The following PDS5A variants were observed in gnomAD, a reference collection of about 807,000 sequenced individuals.
PDS5A encodes PDS5 cohesin associated factor A.
A neutral mutation model predicts 167.1 loss-of-function variants in PDS5A; 42 were observed. The ratio of observed to expected loss-of-function variants is 0.25; its 90% CI spans 0.20 to 0.33. The LOEUF (loss-of-function observed/expected upper bound fraction) is 0.33, where lower values mean the gene tolerates loss of function less well. PDS5A is among the 10% of genes least tolerant of loss of function. The pLI, the probability that PDS5A is intolerant of heterozygous loss-of-function variation, is 1.00. For synonymous variants in PDS5A, 553 were observed against 554.6 expected, an observed-to-expected ratio of 1.00 and a Z score of 0.04; for missense variants, 1,033 against 1,605.9, an observed-to-expected ratio of 0.64 and a Z score of 6.10.
intron 2 of PDS5A, among the ~76,000 whole-genome samples, chr4:39,933,810 T>TA (rs1406351088): frequency 2.6e-5 from 4 of 152,220 alleles, no homozygotes; most frequent in African/African-American, 9.6e-5. Flanking sequence ...GCAGGAAAGA[T>TA]AAAAGCTACA....
chr4:39,877,524 T>C (rs907424424), intron 18 of PDS5A, among the ~76,000 whole-genome samples: 6 of 152,240 alleles, frequency 3.9e-5, no homozygotes, highest in Non-Finnish European at 5.9e-5. Context: ...AAGGAATGCT[T>C]ACTTGAGATA....
chr4:39,948,210 C>CAAAAAAAAAAAAAAAAAAAAAA (rs35177594), intron 2 of PDS5A, among the ~76,000 whole-genome samples: 2 of 96,460 alleles, frequency 2.1e-5, no homozygotes, highest in Non-Finnish European at 4.1e-5. Flanking sequence ...TATCCCGTCT[C>CAAAAAAAAAAAAAAAAAAAAAA]AAAAAAAAAA....
intron 2 of PDS5A, among the ~76,000 whole-genome samples, chr4:39,957,292 G>C (rs1729012666): frequency 6.6e-6 from 1 of 152,046 alleles, no homozygotes; most frequent in Non-Finnish European, 1.5e-5. Context: ...ACTCCAGCCT[G>C]GGGGACAAGG....
At chr4:39,971,450 C>T (rs1050336307) in intron 2 of PDS5A, among the ~76,000 whole-genome samples, 1 of 151,786 alleles carries the variant, frequency 6.6e-6, no homozygotes, top group Non-Finnish European at 1.5e-5. Context: ...GCCACCGCAC[C>T]GGGCCTGCCT....
intron 2 of PDS5A, among the ~76,000 whole-genome samples, chr4:39,975,233 G>A (rs564885896): frequency 6.6e-5 from 10 of 152,096 alleles, no homozygotes; most frequent in African/African-American, 1.7e-4. Context: ...CTGAGATCCC[G>A]CCGCCGCACA....
In PDS5A at chr4:39,851,292, A is replaced by AT. The variant is rs575163696; in HGVS notation, c.3087-1641dup. ...ATCGTCACCATTATATATAGAACCT[A>AT]TTTTTTTTTTTTTTGGTCTGTCTTT... On this transcript the variant is annotated intron_variant, in intron 26 of 32. Coordinates refer to ENST00000303538, the MANE Select transcript of PDS5A (RefSeq NM_001100399.2). Among the ~76,000 whole-genome samples, 1,396 of 141,510 alleles carry AT rather than the reference A, an allele frequency of 9.9e-3. 21 individuals carry two copies. The highest frequency in any genetic ancestry group is 0.029 in the African/African-American group (1,119 of 38,806). 92.8% of individuals were successfully genotyped at this position (141,510 alleles called of 152,430 possible).
chr4:39,963,385 G>A (rs983765825), intron 2 of PDS5A, among the ~76,000 whole-genome samples: 4 of 152,046 alleles, frequency 2.6e-5, no homozygotes, highest in Non-Finnish European at 4.4e-5. Flanking sequence ...CCTGAACCTA[G>A]AAGGCGGAGG....
At chr4:39,868,132 T>C (rs1719715305) in intron 22 of PDS5A, among the ~76,000 whole-genome samples, 1 of 152,134 alleles carries the variant, frequency 6.6e-6, no homozygotes, top group Admixed American at 6.5e-5. Context: ...AATCTGCCAC[T>C]TTTCAACTGA....
chr4:39,828,843 G>A lies in PDS5A; in HGVS notation c.4011-3355C>T, dbSNP rs527409124. ...TTACTGCAGAGTTGTGAACAGAGCC[G>A]AAAATGATCATCTAGGAAGTGAAAA... On this transcript the variant is annotated intron_variant, in intron 32 of 32. Coordinates refer to ENST00000303538, the MANE Select transcript of PDS5A (RefSeq NM_001100399.2). Among the ~76,000 whole-genome samples the A allele has an allele frequency of 1.4e-4, 22 of 152,208 alleles. No homozygotes were observed. In the East Asian group the frequency reaches 4.2e-3, roughly 29 times the overall value.
chr4:39,892,270 T>C (rs949742677), intron 16 of PDS5A, among the ~76,000 whole-genome samples: 1 of 152,170 alleles, frequency 6.6e-6, no homozygotes, highest in African/African-American at 2.4e-5. Flanking sequence ...GAGGCCATTC[T>C]CAGATTTGTC....
intron 31 of PDS5A, 62 bp from the exon 32 acceptor site, chr4:39,838,270 GAA>G (rs1716618637): frequency 6.8e-6 from 8 of 1,179,442 alleles, no homozygotes; most frequent in Non-Finnish European, 9.3e-6. Context: ...ATCTCTATTA[GAA>G]AAGAGTGTTT....
intron 2 of PDS5A, among the ~76,000 whole-genome samples, chr4:39,945,178 C>T (rs560850539): frequency 3.3e-5 from 5 of 151,936 alleles, no homozygotes; most frequent in South Asian, 2.1e-4. Context: ...TAAATGCAGG[C>T]GGCCGGGTGC....
At chr4:39,842,975 T>C (rs1717202376) in intron 30 of PDS5A, among the ~76,000 whole-genome samples, 1 of 141,474 alleles carries the variant, frequency 7.1e-6, no homozygotes, top group Non-Finnish European at 1.5e-5. Flanking sequence ...ATGAAATATG[T>C]AATCATAGCT....
intron 18 of PDS5A, among the ~76,000 whole-genome samples, chr4:39,877,680 AG>A (rs968874757): frequency 6.6e-6 from 1 of 151,842 alleles, no homozygotes; most frequent in Non-Finnish European, 1.5e-5. Flanking sequence ...CCTAGGCTAG[AG>A]TACAGTGGAA....
rs769836397 is a variant in PDS5A, at chr4:39,976,464, C to A, written c.114G>T (p.Thr38=). ...GVKEITDKIT[T]DEMIKRLKMV... is the part of the protein sequence containing the mutation. ...CCTTCAGGCGTTTGATCATCTCGTC[C>A]GTGGTGATCTTGTCGGTGATCTCTT... The change falls in exon 2 of 33, where the codon ACG becomes ACT. Residue 38 remains threonine (T), a synonymous_variant. Coordinates refer to ENST00000303538, the MANE Select transcript of PDS5A (RefSeq NM_001100399.2). The A allele has an allele frequency of 3.7e-6, 6 of 1,613,300 alleles. No homozygotes were observed. The African/African-American group carries it at 5.3e-5, about 14-fold the overall frequency.
intron 16 of PDS5A, among the ~76,000 whole-genome samples, chr4:39,892,709 G>A (rs1029961299): frequency 7.0e-4 from 106 of 152,324 alleles, no homozygotes; most frequent in African/African-American, 2.2e-3. Context: ...CAAGAAAGAA[G>A]ATATTTGGAC....
At chr4:39,930,246 A>AAAAAAAAAAAAAAAAAAAT in intron 2 of PDS5A, among the ~76,000 whole-genome samples, 4 of 93,090 alleles carry the variant, frequency 4.3e-5, no homozygotes, top group South Asian at 4.4e-4. Flanking sequence ...AAAAAAAAAA[A>AAAAAAAAAAAAAAAAAAAT]GTTTTTTTGT....
intron 6 of PDS5A, among the ~76,000 whole-genome samples, chr4:39,921,453 A>G (rs1054105014): frequency 6.6e-6 from 1 of 152,130 alleles, no homozygotes; most frequent in South Asian, 2.1e-4. Flanking sequence ...AAATGCTCTC[A>G]AGCCAGATGT....
At chr4:39,911,986 T>C (rs1296086379) in intron 9 of PDS5A, among the ~76,000 whole-genome samples, 3 of 152,010 alleles carry the variant, frequency 2.0e-5, no homozygotes, top group Admixed American at 2.0e-4. Flanking sequence ...TTTGAAATGA[T>C]CTCATAAAAA....
Sources: gnomAD v4.1 joint callset for allele counts (sites outside exome capture counted in the v4.1 genomes callset) on GRCh38, gnomAD v4.1.1 for gene constraint, MANE v1.5 for transcripts, NCBI Gene and HGNC (gene_info 2026-07-23, HGNC 2026-07-21) for gene names.